Variants in LRP1B observed in about 807,000 individuals in gnomAD.
LRP1B encodes LDL receptor related protein 1B.
LRP1B carries 217 observed loss-of-function variants against 556.6 expected under a neutral mutation model. The observed-to-expected ratio is 0.39, with a 90% CI of 0.35 to 0.44. The LOEUF (loss-of-function observed/expected upper bound fraction) is 0.44. LRP1B is among the 20% of genes least tolerant of loss of function. The probability of loss-of-function intolerance (pLI) is 1.00; values close to 1 mark genes in which losing one functional copy is unlikely to be tolerated. For synonymous variants in LRP1B, 2,047 were observed against 1,865.8 expected (o/e 1.10, Z -2.50); for missense variants, 5,053 against 5,620.8 (o/e 0.90, Z 3.23).
At chr2:141,097,780 T>C (rs1700358521) in intron 7 of LRP1B, among the ~76,000 whole-genome samples, 1 of 152,162 alleles carries the variant, frequency 6.6e-6, no homozygotes, top group Non-Finnish European at 1.5e-5. Context: ...GCTTATATCA[T>C]ACAAATTATT....
At chr2:140,249,351 A>C (rs1490752237) in intron 86 of LRP1B, among the ~76,000 whole-genome samples, 1 of 151,696 alleles carries the variant, frequency 6.6e-6, no homozygotes, top group East Asian at 1.9e-4. Context: ...CTCTAGAATT[A>C]TTTAAGTAGG....
chr2:141,306,302 T>A (rs550302330), intron 3 of LRP1B, among the ~76,000 whole-genome samples: 4 of 152,290 alleles, frequency 2.6e-5, no homozygotes, highest in African/African-American at 9.6e-5. Context: ...ACTGTTTCAA[T>A]TTTATCACTC....
intron 3 of LRP1B, among the ~76,000 whole-genome samples, chr2:141,333,107 G>A (rs900518041): frequency 6.6e-6 from 1 of 151,824 alleles, no homozygotes; most frequent in Non-Finnish European, 1.5e-5. Flanking sequence ...TACCCATGAA[G>A]ACTAATTTTT....
At chr2:141,636,667 T>C (rs1391852988) in intron 2 of LRP1B, among the ~76,000 whole-genome samples, 1 of 152,076 alleles carries the variant, frequency 6.6e-6, no homozygotes, top group Admixed American at 6.6e-5. Context: ...TGGTAAAACA[T>C]GTGAACTCAA....
intron 7 of LRP1B, among the ~76,000 whole-genome samples, chr2:141,186,078 C>CAAA (rs386391364): frequency 0.7 from 54,234 of 77,798 alleles, 19,366 homozygotes; most frequent in East Asian, 0.78. Flanking sequence ...GACTCTGTCT[C>CAAA]AAAAAAAAAA....
At chr2:140,557,829 A>G (rs1383113764) in intron 43 of LRP1B, among the ~76,000 whole-genome samples, 1 of 152,004 alleles carries the variant, frequency 6.6e-6, no homozygotes, top group African/African-American at 2.4e-5. Context: ...TCTTTACTAT[A>G]CCACACTCAA....
chr2:141,224,912 C>T (rs1162589614), intron 6 of LRP1B, among the ~76,000 whole-genome samples: 3 of 151,986 alleles, frequency 2.0e-5, no homozygotes, highest in Non-Finnish European at 2.9e-5. Flanking sequence ...AGCAAACCAC[C>T]GCAGTACATG....
At chr2:140,737,165 C>A (rs1392966625) in intron 35 of LRP1B, among the ~76,000 whole-genome samples, 2 of 152,070 alleles carry the variant, frequency 1.3e-5, no homozygotes, top group Non-Finnish European at 2.9e-5. Flanking sequence ...TTCCAGAACC[C>A]AGCAAATGAA....
rs897319399 is a variant in LRP1B at position 140,934,196 on chromosome 2, CA to C, written c.3137-11050del. On this transcript the variant is annotated intron_variant, in intron 20 of 90. Transcript: ENST00000389484. ...CATAGTTTTATTAAAAGTAAATAGT[CA>C]AAAAAAAATCAGGACAGAAGAACAT... 5.8e-3 allele frequency among the ~76,000 whole-genome samples: 872 copies of C among 149,642 alleles called. 10 individuals are homozygous for C. The highest frequency in any genetic ancestry group is 0.02 in the African/African-American group (804 of 40,858).
chr2:141,186,086 A>AAAC (rs1200540283), intron 7 of LRP1B, among the ~76,000 whole-genome samples: 1 of 151,052 alleles, frequency 6.6e-6, no homozygotes, highest in African/African-American at 2.4e-5. Flanking sequence ...CTCAAAAAAA[A>AAAC]AAAAAAAAAA....
intron 1 of LRP1B, among the ~76,000 whole-genome samples, chr2:142,097,261 T>A (rs1456740836): frequency 3.3e-5 from 5 of 151,696 alleles, no homozygotes; most frequent in African/African-American, 4.8e-5. Context: ...AAAACTGGAT[T>A]TCCTTGTAAA....
chr2:140,913,913 C>A (rs759274716), intron 21 of LRP1B, among the ~76,000 whole-genome samples: 3 of 151,798 alleles, frequency 2.0e-5, no homozygotes, highest in Non-Finnish European at 2.9e-5. Context: ...TTTGTTTAAT[C>A]GAATTCACAC....
At chr2:141,205,824 A>G (rs1234547379) in intron 6 of LRP1B, among the ~76,000 whole-genome samples, 1 of 152,202 alleles carries the variant, frequency 6.6e-6, no homozygotes, top group Admixed American at 6.5e-5. Flanking sequence ...GAGATAATAA[A>G]AGACAAACAA....
intron 62 of LRP1B, among the ~76,000 whole-genome samples, chr2:140,452,959 GTGT>G (rs902051052): frequency 1.3e-4 from 6 of 47,418 alleles, no homozygotes; most frequent in Non-Finnish European, 2.4e-4. Flanking sequence ...GTGTGTGTGT[GTGT>G]TTTTTTTTTT....
rs1275316583 is a variant in LRP1B at position 140,903,093 on chromosome 2, G to C, written c.3593C>G (p.Ser1198Cys). 6.2e-7 allele frequency: 1 copy of C among 1,613,536 alleles called. No homozygotes were observed. Among genetic ancestry groups the C allele is most frequent in the South Asian group, 1.1e-5 (1 of 91,060 alleles). Residue 1198 changes from serine (S) to cysteine (C), a missense_variant, in exon 23 of 91, where the codon TCC (serine) becomes TGC (cysteine). Transcript: ENST00000389484. ...GTTGAGTTGAAGTCCTTCAGGGCAG[G>C]AACAGACAATTCCTCTTCCAGGAAC... is the stretch of plus-strand genomic sequence containing the variant. ...SVVPGRGIVC[S>C]CPEGLQLNKD...
chr2:141,189,775 A>C (rs1403871924), intron 6 of LRP1B, among the ~76,000 whole-genome samples: 1 of 151,990 alleles, frequency 6.6e-6, no homozygotes, highest in Non-Finnish European at 1.5e-5. Flanking sequence ...TTAAATTTAA[A>C]TGACATAGGT....
At chr2:141,364,959 C>T (rs1202949262) in intron 3 of LRP1B, among the ~76,000 whole-genome samples, 1 of 152,174 alleles carries the variant, frequency 6.6e-6, no homozygotes, top group African/African-American at 2.4e-5. Context: ...GAAACATGTT[C>T]TAATAAAGTA....
At chr2:141,011,550 T>C (rs895463805) in intron 14 of LRP1B, among the ~76,000 whole-genome samples, 1 of 152,090 alleles carries the variant, frequency 6.6e-6, no homozygotes, top group African/African-American at 2.4e-5. Context: ...TAGGTAATTC[T>C]TAGCTACATG....
chr2:141,870,130 T>C (rs1698534627), intron 1 of LRP1B, among the ~76,000 whole-genome samples: 1 of 151,984 alleles, frequency 6.6e-6, no homozygotes, highest in Non-Finnish European at 1.5e-5. Context: ...TTCTTTAGAT[T>C]TCATGATTTC....
Sources: gnomAD v4.1 joint callset for allele counts (sites outside exome capture counted in the v4.1 genomes callset) on GRCh38, gnomAD v4.1.1 for gene constraint, MANE v1.5 for transcripts, NCBI Gene and HGNC (gene_info 2026-07-23, HGNC 2026-07-21) for gene names.